ENTREP2: variants seen among roughly 807,000 people sequenced by gnomAD.
ENTREP2 encodes the protein protein ENTREP2.
chr15:29,346,524 G>A, the ENTREP2 span, among the ~76,000 whole-genome samples: 1 of 152,114 alleles, frequency 6.6e-6, no homozygotes, highest in Non-Finnish European at 1.5e-5. Flanking sequence ...GGGAAGTCAA[G>A]CCTGCTGGTT....
At chr15:29,453,605 C>A in the ENTREP2 span, among the ~76,000 whole-genome samples, 1 of 152,170 alleles carries the variant, frequency 6.6e-6, no homozygotes. Flanking sequence ...CTCAATAATA[C>A]ATCCTCAAGG....
chr15:29,357,570 G>A, the ENTREP2 span, among the ~76,000 whole-genome samples: 3 of 152,202 alleles, frequency 2.0e-5, no homozygotes, highest in African/African-American at 7.2e-5. Flanking sequence ...AGGCGTGGTG[G>A]CTCACGCCTG....
At chr15:29,472,713 C>T in the ENTREP2 span, among the ~76,000 whole-genome samples, 1 of 152,136 alleles carries the variant, frequency 6.6e-6, no homozygotes, top group Non-Finnish European at 1.5e-5. Context: ...GATCCATCTG[C>T]CTTGGCCTCC....
the ENTREP2 span, chr15:29,234,600 C>T: frequency 6.6e-7 from 1 of 1,523,608 alleles, no homozygotes. Flanking sequence ...TCACAATCTT[C>T]TTTTGTGCAG....
At chr15:29,286,965 A>G in the ENTREP2 span, among the ~76,000 whole-genome samples, 6 of 152,176 alleles carry the variant, frequency 3.9e-5, no homozygotes, top group Non-Finnish European at 8.8e-5. Context: ...AATTCGGGCC[A>G]CTATGGGATT....
chr15:29,286,544 G>T, the ENTREP2 span, among the ~76,000 whole-genome samples: 1 of 152,138 alleles, frequency 6.6e-6, no homozygotes, highest in Non-Finnish European at 1.5e-5. Flanking sequence ...TCCTTTTGTG[G>T]CCTGCTTTGA....
chr15:29,525,650 C>T, the ENTREP2 span, among the ~76,000 whole-genome samples: 7 of 152,144 alleles, frequency 4.6e-5, no homozygotes, highest in South Asian at 6.2e-4. Context: ...AGGTTATATG[C>T]GGTATAATTC....
chr15:29,340,405 G>A, the ENTREP2 span, among the ~76,000 whole-genome samples: 1 of 152,290 alleles, frequency 6.6e-6, no homozygotes, highest in East Asian at 1.9e-4. Context: ...GGGTGTTGAA[G>A]TGACAAGTTC....
the ENTREP2 span, chr15:29,264,866 T>C: frequency 1.3e-5 from 2 of 152,232 alleles, no homozygotes; most frequent in Admixed American, 6.5e-5. Context: ...TGCAAAATTA[T>C]ACATTTTGAG....
At chr15:29,580,535 T>A in the ENTREP2 span, among the ~76,000 whole-genome samples, 8 of 152,268 alleles carry the variant, frequency 5.3e-5, no homozygotes, top group African/African-American at 1.9e-4. Flanking sequence ...CAGAACAGAT[T>A]ATGCTGGAAA....
At chr15:29,128,817 T>C in the ENTREP2 span, 56 of 1,550,888 alleles carry the variant, frequency 3.6e-5, no homozygotes, top group Non-Finnish European at 4.7e-5. Context: ...CACTGGTGTT[T>C]GGGTCCCCGG....
At chr15:29,382,447 C>A in the ENTREP2 span, among the ~76,000 whole-genome samples, 1 of 152,040 alleles carries the variant, frequency 6.6e-6, no homozygotes, top group East Asian at 2.0e-4. Flanking sequence ...CCAGCCCCTG[C>A]GAGCCCCTCC....
At chr15:29,631,938 C>T in the ENTREP2 span, among the ~76,000 whole-genome samples, 1 of 152,154 alleles carries the variant, frequency 6.6e-6, no homozygotes, top group Non-Finnish European at 1.5e-5. Context: ...GGAGTCTAGA[C>T]TCTCCTTTGA....
the ENTREP2 span, among the ~76,000 whole-genome samples, chr15:29,672,668 CG>C: frequency 6.6e-6 from 1 of 152,034 alleles, no homozygotes; most frequent in Admixed American, 6.6e-5. Context: ...GTTTAATTCA[CG>C]CAGAGCCGGC....
chr15:29,618,250 C>G, the ENTREP2 span, among the ~76,000 whole-genome samples: 1 of 151,902 alleles, frequency 6.6e-6, no homozygotes, highest in African/African-American at 2.4e-5. Flanking sequence ...AGTGAAACCC[C>G]GTCTCTACTA....
At chr15:29,122,120 CAG>C in the ENTREP2 span, 1 of 152,274 alleles carries the variant, frequency 6.6e-6, no homozygotes, top group Non-Finnish European at 1.5e-5. Flanking sequence ...CAACGCAGCT[CAG>C]GGGCTGTGGC....
the ENTREP2 span, among the ~76,000 whole-genome samples, chr15:29,561,731 T>C: frequency 0.011 from 1,678 of 151,432 alleles, 9 homozygotes; most frequent in Middle Eastern, 0.031. Flanking sequence ...AATAAATAAA[T>C]GTACAAGGAA....
the ENTREP2 span, among the ~76,000 whole-genome samples, chr15:29,634,439 G>C: frequency 6.6e-6 from 1 of 152,014 alleles, no homozygotes; most frequent in African/African-American, 2.4e-5. Flanking sequence ...TGTAAAAGTA[G>C]AAAAAAACTC....
the ENTREP2 span, among the ~76,000 whole-genome samples, chr15:29,224,375 C>T: frequency 6.6e-6 from 1 of 152,140 alleles, no homozygotes; most frequent in African/African-American, 2.4e-5. Context: ...AGCTTCCACA[C>T]TTGTGGAAGG....
Sources: allele counts gnomAD v4.1 joint callset (sites outside exome capture counted in the v4.1 genomes callset), GRCh38; gene constraint gnomAD v4.1.1; transcripts MANE v1.5; gene names NCBI Gene and HGNC (gene_info 2026-07-23, HGNC 2026-07-21).